SH3YL1: variants seen among roughly 807,000 people sequenced by gnomAD.
The protein encoded by SH3YL1 is SH3 and SYLF domain containing 1.
In SH3YL1, 41 loss-of-function variants were observed where a neutral mutation model predicts 45.8. That is an observed-to-expected ratio of 0.89 (90% confidence interval 0.70 to 1.16). The LOEUF is 1.16. SH3YL1 is among the 50% of genes most tolerant of loss of function. SH3YL1 has a pLI of 0.00. For synonymous variants in SH3YL1, 152 were observed against 151.4 expected, an observed-to-expected ratio of 1.00 and a Z score of -0.03; for missense variants, 389 against 409.6, an observed-to-expected ratio of 0.95 and a Z score of 0.43.
intron 1 of SH3YL1, chr2:262,080 T>A (rs1472522961): frequency 6.5e-6 from 1 of 153,936 alleles, no homozygotes; most frequent in East Asian, 1.9e-4. Flanking sequence ...AAAGAAAGTG[T>A]ATGTATCTAA....
intron 4 of SH3YL1, among the ~76,000 whole-genome samples, chr2:245,726 T>C (rs900487232): frequency 6.6e-6 from 1 of 152,118 alleles, no homozygotes; most frequent in Non-Finnish European, 1.5e-5. Flanking sequence ...GAGGAGAAGA[T>C]TGATTATTTA....
At chr2:263,925 A>C (rs575751054) in intron 1 of SH3YL1, 59 bp downstream of exon 1, 1 of 1,408,154 alleles carries the variant, frequency 7.1e-7, no homozygotes, top group South Asian at 1.2e-5. Flanking sequence ...TCCTCCCACC[A>C]CCGCCCAGCT....
In SH3YL1 at chr2:226,698, T is replaced by C. The variant is rs187028366; in HGVS notation, c.782-1778A>G. On this transcript the variant is annotated intron_variant, in intron 8 of 9. Transcript: ENST00000356150. ...GAAAATGGACAGTGGGGAATGTGTA[T>C]AGTGGGAATGTCTGGTGGGAAGCCT... Among the ~76,000 whole-genome samples, 4 of 152,094 alleles carry C rather than the reference T, an allele frequency of 2.6e-5. No homozygotes were observed. In the East Asian group the frequency reaches 5.8e-4, roughly 22 times the overall value.
In SH3YL1 at chr2:249,845, C is replaced by T; in HGVS notation, c.113-1G>A. On this transcript the variant is annotated splice_acceptor_variant, in intron 2 of 9. Coordinates refer to ENST00000356150, the MANE Select transcript of SH3YL1 (RefSeq NM_015677.4). LOFTEE classifies it high-confidence loss of function. Reference sequence around the variant, plus strand: ...CCTTTAGCCTTCGCAATTACGTGAGCTGTTAACGTGGAAAACAATGGGAAG... The same window carrying T: ...CCTTTAGCCTTCGCAATTACGTGAGTTGTTAACGTGGAAAACAATGGGAAG... The T allele has an allele frequency of 1.3e-6, 2 of 1,547,908 alleles. No individual in the cohort carries two copies. Among genetic ancestry groups the T allele is most frequent in the Non-Finnish European group, 1.7e-6 (2 of 1,143,226 alleles).
intron 4 of SH3YL1, among the ~76,000 whole-genome samples, chr2:236,223 C>CA (rs904729359): frequency 1.5e-5 from 2 of 136,008 alleles, no homozygotes; most frequent in African/African-American, 5.4e-5. Context: ...GAGGCAGCAG[C>CA]ATGGGCCAGG....
chr2:237,327 A>G (rs1436182900), intron 4 of SH3YL1, among the ~76,000 whole-genome samples: 1 of 152,044 alleles, frequency 6.6e-6, no homozygotes, highest in East Asian at 1.9e-4. Flanking sequence ...AATAAGAATA[A>G]GAGAATATTG....
rs542246786 is a variant in SH3YL1, at chr2:261,010, G to C, written c.1+2974C>G. On this transcript the variant is annotated intron_variant, in intron 1 of 9. Coordinates refer to ENST00000356150, the MANE Select transcript of SH3YL1 (RefSeq NM_015677.4). Reference sequence around the variant, plus strand: ...CTTATGTCACTGTGATCCAGCTGTTGACAAGGCTGGTCACAGTGAGGACAT... The same window carrying C: ...CTTATGTCACTGTGATCCAGCTGTTCACAAGGCTGGTCACAGTGAGGACAT... 3 of 152,350 alleles carry C rather than the reference G, an allele frequency of 2.0e-5. No individual in the cohort carries two copies. In the South Asian group the frequency reaches 6.2e-4, roughly 32 times the overall value. The allele number at this position is 152,350 out of a possible 1,614,324, so 9.4% of individuals were successfully genotyped here. A position where few individuals can be genotyped will look rare whatever the true frequency, so the allele number is the denominator to read the frequency against.
chr2:253,054 T>C lies in SH3YL1; in HGVS notation c.63A>G (p.Arg21=). The change falls in exon 2 of 10, where the codon AGA becomes AGG. Residue 21 remains arginine, a synonymous_variant. Coordinates refer to ENST00000356150, the MANE Select transcript of SH3YL1 (RefSeq NM_015677.4). ...TTCTGGAAGTTATTTCTGTGAATTCTCTTAATATTTTGGCAGCCTTTTTTG... is the reference window on the plus strand; with the variant it reads ...TTCTGGAAGTTATTTCTGTGAATTCCCTTAATATTTTGGCAGCCTTTTTTG... ...SEAKKAAKIL[R]EFTEITSRNG... 6.4e-7 allele frequency: 1 copy of C among 1,550,574 alleles called. No individual in the cohort carries two copies. Among genetic ancestry groups the C allele is most frequent in the Non-Finnish European group, 8.7e-7 (1 of 1,146,032 alleles).
At chr2:231,611 A>C (rs1000163180) in intron 6 of SH3YL1, among the ~76,000 whole-genome samples, 3 of 152,186 alleles carry the variant, frequency 2.0e-5, no homozygotes, top group Non-Finnish European at 4.4e-5. Context: ...AATTTCCTTA[A>C]AATATTTATT....
intron 8 of SH3YL1, among the ~76,000 whole-genome samples, chr2:227,954 G>A (rs1331440487): frequency 6.6e-6 from 1 of 151,900 alleles, no homozygotes; most frequent in Non-Finnish European, 1.5e-5. Flanking sequence ...TTTAAATAAA[G>A]AACTTAAGAA....
intron 3 of SH3YL1, among the ~76,000 whole-genome samples, chr2:247,952 G>C (rs968099522): frequency 6.6e-6 from 1 of 152,186 alleles, no homozygotes. Context: ...CAACTTAGCT[G>C]TAGGTCTAGT....
At chr2:259,132 A>G (rs1267767621) in intron 1 of SH3YL1, among the ~76,000 whole-genome samples, 1 of 152,018 alleles carries the variant, frequency 6.6e-6, no homozygotes, top group Non-Finnish European at 1.5e-5. Context: ...TGTGGATCTC[A>G]GACATGTCCA....
intron 1 of SH3YL1, chr2:256,806 T>C (rs1270699544): frequency 2.0e-5 from 3 of 152,212 alleles, no homozygotes; most frequent in Non-Finnish European, 4.4e-5. Flanking sequence ...CACCTAAGAG[T>C]TCTCTAAAGT....
upstream of SH3YL1, chr2:264,215 T>C (rs1235858007): frequency 2.9e-5 from 15 of 522,814 alleles, no homozygotes; most frequent in East Asian, 3.6e-5. Flanking sequence ...GTCCTCAAGA[T>C]CGAAAAGCCC....
At chr2:246,909 C>A (rs1451383268) in intron 4 of SH3YL1, among the ~76,000 whole-genome samples, 1 of 152,092 alleles carries the variant, frequency 6.6e-6, no homozygotes, top group East Asian at 1.9e-4. Context: ...AAGAAATGGA[C>A]TGAAATTTGA....
chr2:234,068 T>C (rs989285000), intron 5 of SH3YL1, 92 bp downstream of exon 5: 1 of 940,298 alleles, frequency 1.1e-6, no homozygotes, highest in African/African-American at 1.7e-5. Context: ...GATGTACAAA[T>C]CTGTTCATTT....
chr2:256,132 T>A (rs777790495), intron 1 of SH3YL1: 2 of 152,248 alleles, frequency 1.3e-5, no homozygotes, highest in South Asian at 2.1e-4. Context: ...TGTCATTAAG[T>A]ATGAATTTTG....
rs1411316702 is a variant in SH3YL1, at chr2:253,123, A to AT, written c.2-9dup. Reference sequence around the variant, plus strand: ...AAGGTATAGGGTTATTCACTGAAACATAACAAAAGATATTTTAATGAAAAA... The same window carrying AT: ...AAGGTATAGGGTTATTCACTGAAACATTAACAAAAGATATTTTAATGAAAAA... On this transcript the variant is annotated splice_polypyrimidine_tract_variant and intron_variant, in intron 1 of 9. Transcript: ENST00000356150. 8.7e-6 allele frequency: 12 copies of AT among 1,381,588 alleles called. No homozygotes were observed. Among genetic ancestry groups the AT allele is most frequent in the Non-Finnish European group, 1.2e-5 (12 of 1,010,806 alleles). The allele number at this position is 1,381,588 out of a possible 1,614,324, so 85.6% of individuals were successfully genotyped here. A position where few individuals can be genotyped will look rare whatever the true frequency, so the allele number is the denominator to read the frequency against.
At chr2:259,395 T>C (rs890519343) in intron 1 of SH3YL1, 2 of 152,188 alleles carry the variant, frequency 1.3e-5, no homozygotes, top group African/African-American at 4.8e-5. Flanking sequence ...TTTTGGAATA[T>C]GAGTTAAAAA....
Sources: allele counts gnomAD v4.1 joint callset (sites outside exome capture counted in the v4.1 genomes callset), GRCh38; gene constraint gnomAD v4.1.1; transcripts MANE v1.5; gene names NCBI Gene and HGNC (gene_info 2026-07-23, HGNC 2026-07-21).